The following TMEM17 variants were observed in gnomAD, a reference collection of about 807,000 sequenced individuals.
TMEM17 encodes transmembrane protein 17.
A neutral mutation model predicts 19.1 loss-of-function variants in TMEM17; 15 were observed. The observed-to-expected ratio is 0.78, with a 90% CI of 0.52 to 1.21. TMEM17 has a LOEUF of 1.21. Ranked by LOEUF, TMEM17 falls within the 50% of genes most tolerant of loss-of-function variation. The probability of loss-of-function intolerance (pLI) is 0.00; values close to 1 mark genes in which losing one functional copy is unlikely to be tolerated. For synonymous variants in TMEM17, 103 were observed against 86.9 expected (o/e 1.19, Z -1.03); for missense variants, 245 against 242.3 (o/e 1.01, Z -0.07).
chr2:62,503,207 T>C (rs1223436766), intron 1 of TMEM17, among the ~76,000 whole-genome samples: 1 of 152,218 alleles, frequency 6.6e-6, no homozygotes, highest in African/African-American at 2.4e-5. Flanking sequence ...ACTAATCTTA[T>C]ACAAAAACGG....
chr2:62,459,657 A>G, the TMEM17 span, among the ~76,000 whole-genome samples: 1 of 152,402 alleles, frequency 6.6e-6, no homozygotes, highest in Admixed American at 6.5e-5. Flanking sequence ...TAGTCTGCAT[A>G]AGCTCCTAAC....
At chr2:62,467,808 C>T in the TMEM17 span, among the ~76,000 whole-genome samples, 46 of 151,916 alleles carry the variant, frequency 3.0e-4, no homozygotes, top group Admixed American at 2.5e-3. Flanking sequence ...TTCACACAGT[C>T]TGCAAAGGCC....
At chr2:62,480,091 A>T in the TMEM17 span, among the ~76,000 whole-genome samples, 1 of 151,960 alleles carries the variant, frequency 6.6e-6, no homozygotes, top group Non-Finnish European at 1.5e-5. Context: ...TGTCTTTTTG[A>T]TAATAGCCAC....
rs1178821716 is a variant in TMEM17, at chr2:62,502,732, G to T, written c.163C>A (p.Pro55Thr). ...MSLYFNTYYF[P>T]LWWVSSIMML... ...ATAATGCTGCTCACCCACCACAGTG[G>T]GAAATAGTAGGTATTAAAATAAAGT... Residue 55 changes from proline (P) to threonine (T), a missense_variant, in exon 2 of 4, where the codon CCA becomes ACA. By Grantham distance (38) the Pro-to-Thr change is conservative. Coordinates refer to ENST00000335390, the MANE Select transcript of TMEM17 (RefSeq NM_198276.3). 4 of 1,609,394 alleles carry T rather than the reference G, an allele frequency of 2.5e-6. No individual in the cohort carries two copies. Among genetic ancestry groups the T allele is most frequent in the Admixed American group, 3.4e-5 (2 of 58,980 alleles).
At chr2:62,461,349 G>C in the TMEM17 span, among the ~76,000 whole-genome samples, 1 of 152,198 alleles carries the variant, frequency 6.6e-6, no homozygotes, top group Non-Finnish European at 1.5e-5. Context: ...CTTGCCCTCA[G>C]CCGCAGGCTC....
downstream of TMEM17, among the ~76,000 whole-genome samples, chr2:62,498,184 A>G (rs1389018123): frequency 6.6e-6 from 1 of 151,520 alleles, no homozygotes; most frequent in Non-Finnish European, 1.5e-5. Context: ...CAGGAATTCA[A>G]AACCAGCCTG....
chr2:62,457,314 T>C, the TMEM17 span, among the ~76,000 whole-genome samples: 1 of 152,210 alleles, frequency 6.6e-6, no homozygotes, highest in African/African-American at 2.4e-5. This position sits in a 1 kb window ranked among gnomAD's most constrained non-coding sequence, Gnocchi z 4.2. Flanking sequence ...GAGACTGCCT[T>C]GGGTGTGGCA....
chr2:62,478,151 A>T, the TMEM17 span, among the ~76,000 whole-genome samples: 5 of 152,236 alleles, frequency 3.3e-5, no homozygotes, highest in African/African-American at 4.8e-5. Context: ...AGGTCCAAGG[A>T]AGACAGATTT....
downstream of TMEM17, among the ~76,000 whole-genome samples, chr2:62,499,195 AT>A (rs1355331243): frequency 6.6e-6 from 1 of 152,120 alleles, no homozygotes; most frequent in African/African-American, 2.4e-5. Flanking sequence ...CAGTTTAAAA[AT>A]TTTTTTATGG....
At chr2:62,463,506 C>T in the TMEM17 span, among the ~76,000 whole-genome samples, 7 of 152,308 alleles carry the variant, frequency 4.6e-5, no homozygotes, top group African/African-American at 1.7e-4. Flanking sequence ...CTCAAAGTAT[C>T]TCCCTCAGGG....
chr2:62,494,831 G>A, the TMEM17 span, among the ~76,000 whole-genome samples: 1 of 151,908 alleles, frequency 6.6e-6, no homozygotes, highest in African/African-American at 2.4e-5. Context: ...GTGAAACCCC[G>A]TCTCTACTAA....
the TMEM17 span, among the ~76,000 whole-genome samples, chr2:62,457,241 C>A: frequency 1.3e-5 from 2 of 152,360 alleles, no homozygotes; most frequent in Admixed American, 1.3e-4. The surrounding 1 kb of genome is among the most constrained non-coding windows in gnomAD (Gnocchi z 4.2). Flanking sequence ...GTCCCAGCCC[C>A]GCAGCCTTTT....
At chr2:62,454,971 C>T in the TMEM17 span, among the ~76,000 whole-genome samples, 1 of 152,326 alleles carries the variant, frequency 6.6e-6, no homozygotes, top group African/African-American at 2.4e-5. Context: ...TTCCAAAGTG[C>T]TGGGATTACA....
the TMEM17 span, among the ~76,000 whole-genome samples, chr2:62,469,054 C>T: frequency 3.4e-5 from 5 of 149,220 alleles, no homozygotes; most frequent in South Asian, 8.5e-4. Context: ...CCAAACAATA[C>T]CTTTACTGTT....
At chr2:62,475,686 C>T in the TMEM17 span, among the ~76,000 whole-genome samples, 1 of 152,214 alleles carries the variant, frequency 6.6e-6, no homozygotes, top group Non-Finnish European at 1.5e-5. Flanking sequence ...TCTCTCTGGG[C>T]ACTGTATGGG....
At chr2:62,466,799 T>A in the TMEM17 span, among the ~76,000 whole-genome samples, 1 of 152,166 alleles carries the variant, frequency 6.6e-6, no homozygotes, top group African/African-American at 2.4e-5. Flanking sequence ...AAGTGGGACC[T>A]GAATTTGACT....
the TMEM17 span, among the ~76,000 whole-genome samples, chr2:62,492,362 T>C: frequency 6.6e-6 from 1 of 152,218 alleles, no homozygotes; most frequent in East Asian, 1.9e-4. Context: ...GAATGAGATA[T>C]TGATAAAGTC....
chr2:62,469,999 C>T, the TMEM17 span, among the ~76,000 whole-genome samples: 1 of 152,196 alleles, frequency 6.6e-6, no homozygotes, highest in East Asian at 1.9e-4. Flanking sequence ...GGCCTTGATC[C>T]ACATGTCCAG....
the TMEM17 span, among the ~76,000 whole-genome samples, chr2:62,464,246 A>G: frequency 6.6e-6 from 1 of 152,252 alleles, no homozygotes; most frequent in African/African-American, 2.4e-5. Context: ...GTCTGTGGAC[A>G]GCAGAGCTAA....
Sources: allele counts gnomAD v4.1 joint callset (sites outside exome capture counted in the v4.1 genomes callset), GRCh38; gene constraint gnomAD v4.1.1; non-coding constraint Gnocchi (gnomAD v3.1); transcripts MANE v1.5; gene names NCBI Gene and HGNC (gene_info 2026-07-23, HGNC 2026-07-21).